Variants in MLLT6 observed in about 807,000 individuals in gnomAD.
MLLT6 encodes MLLT6, PHD finger containing.
Under a neutral mutation model 103.0 loss-of-function variants are expected in MLLT6, and 22 were observed. That is an observed-to-expected ratio of 0.21 (90% CI 0.15 to 0.31). The LOEUF is 0.31. MLLT6 is among the 10% of genes least tolerant of loss of function. The pLI, the probability that MLLT6 is intolerant of heterozygous loss-of-function variation, is 1.00. For missense variants in MLLT6, 1,199 were observed against 1,441.7 expected (o/e 0.83, Z 2.73); for synonymous variants, 606 against 623.5 (o/e 0.97, Z 0.42).
At chr17:38,722,265 G>C (rs1051583927) in intron 17 of MLLT6, 38 bp downstream of exon 17, 45 of 1,339,376 alleles carry the variant, frequency 3.4e-5, no homozygotes, top group Non-Finnish European at 3.9e-5. Context: ...GGAACAGGGT[G>C]GGGGGCTGGC....
intron 1 of MLLT6, 182 bp from the exon 2 acceptor site, chr17:38,706,768 T>C (rs1904942995): frequency 2.1e-6 from 1 of 475,470 alleles, no homozygotes; most frequent in African/African-American, 2.0e-5. Context: ...AATTGTGTGG[T>C]TGAAGGCTGG....
intron 17 of MLLT6, among the ~76,000 whole-genome samples, 176 bp from the exon 18 acceptor site, chr17:38,722,502 C>T (rs933794305): frequency 3.3e-5 from 5 of 152,170 alleles, no homozygotes; most frequent in African/African-American, 1.2e-4. Flanking sequence ...CTAAATCAGA[C>T]CTGTATCCCT....
chr17:38,725,502 G>T, intron 19 of MLLT6, 55 bp from the exon 20 acceptor site: 2 of 1,526,638 alleles, frequency 1.3e-6, no homozygotes, highest in Non-Finnish European at 1.8e-6. Context: ...GTTCTTATCT[G>T]GGGGTTAGGA....
intron 16 of MLLT6, 50 bp downstream of exon 16, chr17:38,720,797 T>A: frequency 6.6e-7 from 1 of 1,521,438 alleles, no homozygotes; most frequent in Non-Finnish European, 9.1e-7. Flanking sequence ...CTCAAGGCTC[T>A]CCTGGTCCCA....
At chr17:38,711,805 G>T (rs556648614) in intron 6 of MLLT6, 42 bp from the exon 7 acceptor site, 1 of 1,472,560 alleles carries the variant, frequency 6.8e-7, no homozygotes, top group Non-Finnish European at 9.0e-7. Flanking sequence ...CCCTAAGCCC[G>T]TGAGAAGAGG....
chr17:38,712,349 G>A (rs971703572), intron 7 of MLLT6, among the ~76,000 whole-genome samples: 1 of 152,178 alleles, frequency 6.6e-6, no homozygotes, highest in African/African-American at 2.4e-5. Context: ...ATTCCCTCGC[G>A]CCACATAGCA....
rs762731439 is a variant in MLLT6 at position 38,720,789 on chromosome 17, C to T, written c.2442+42C>T. The T allele has an allele frequency of 6.7e-5, 104 of 1,552,186 alleles. No individual in the cohort carries two copies. In the Admixed American group the frequency reaches 1.7e-3, roughly 26 times the overall value. ...GTGGGGCAGGAAGGAGGGGGAGACT[C>T]AAGGCTCTCCTGGTCCCATCTCTTC... On this transcript the variant is annotated intron_variant, in intron 16 of 19. Transcript: ENST00000621332.
chr17:38,729,288 A>G lies in MLLT6; in HGVS notation c.*3690A>G, dbSNP rs900603213. 3.4e-5 allele frequency: 8 copies of G among 233,062 alleles called. No individual in the cohort carries two copies. Among genetic ancestry groups the G allele is most frequent in the Non-Finnish European group, 5.9e-5 (7 of 118,042 alleles). The allele number at this position is 233,062 out of a possible 1,614,324, so 14.4% of individuals were successfully genotyped here. On this transcript the variant is annotated 3_prime_UTR_variant, in exon 20 of 20. Transcript: ENST00000621332. The stretch of plus-strand genomic sequence containing the variant: ...TTCCTGGGGAGAGGTGCCTAGAGGG[A>G]TTGAGGTAACTTCAACTGGGAATTC...
chr17:38,717,914 G>A lies in MLLT6; in HGVS notation c.1903G>A (p.Val635Ile), dbSNP rs765001172. 6.2e-6 allele frequency: 10 copies of A among 1,613,722 alleles called. No homozygotes were observed. The highest frequency in any genetic ancestry group is 5.0e-5 in the Admixed American group (3 of 59,986). ...CATCTTTGGAACCCCCATGGGTGCC[G>A]TTAATCCCCTCCTCTCCCAAGCTGA... ...THIFGTPMGA[V>I]NPLLSQAESS... Residue 635 changes from valine to isoleucine, a missense_variant, in exon 12 of 20, where the codon GTT (valine) becomes ATT (isoleucine). Val to Ile is a conservative substitution (Grantham distance 29). Around this residue, in one of 7 missense-constraint regions of MLLT6, gnomAD observed 1,034 missense variants for 1,091.5 expected, o/e 0.95. Coordinates refer to ENST00000621332, the MANE Select transcript of MLLT6 (RefSeq NM_005937.4).
Position 38,724,736 on chromosome 17 carries a change from C to G in MLLT6, c.3000C>G (p.Ser1000Arg). Reference protein sequence around the residue: ...QLPMASLLAGSSTPLLSAGTP... With the variant: ...QLPMASLLAGRSTPLLSAGTP... Reference sequence around the variant, plus strand: ...CCATGGCCAGCCTGCTGGCAGGAAGCTCCACCCCGCTGCTGTCTGCGGGTA... The same window carrying G: ...CCATGGCCAGCCTGCTGGCAGGAAGGTCCACCCCGCTGCTGTCTGCGGGTA... The change falls in exon 19 of 20, where the codon AGC (serine) becomes AGG (arginine). Residue 1000 changes from serine (S) to arginine (R), a missense_variant. Physicochemically the swap from Ser to Arg is moderately radical, Grantham distance 110. Transcript: ENST00000621332. The surrounding 1 kb of genome is among the most constrained non-coding windows in gnomAD (Gnocchi z 5.4). The G allele has an allele frequency of 6.2e-7, 1 of 1,611,206 alleles. No homozygotes were observed. Among genetic ancestry groups the G allele is most frequent in the Non-Finnish European group, 8.5e-7 (1 of 1,179,112 alleles).
At chr17:38,713,473 A>C in intron 8 of MLLT6, 1 of 189,800 alleles carries the variant, frequency 5.3e-6, no homozygotes, top group Non-Finnish European at 1.1e-5. Context: ...GAGATGGAGA[A>C]ACTGCTCCCT....
intron 6 of MLLT6, 69 bp from the exon 7 acceptor site, chr17:38,711,778 A>G (rs1597991779): frequency 1.4e-6 from 2 of 1,450,530 alleles, no homozygotes; most frequent in South Asian, 1.5e-5. Flanking sequence ...AGGATCCTCT[A>G]ACCTTCTGGA....
chr17:38,720,770 C>T (rs201041162), intron 16 of MLLT6, 23 bp downstream of exon 16: 22 of 1,606,314 alleles, frequency 1.4e-5, no homozygotes, highest in Non-Finnish European at 1.9e-5. Context: ...AGGAGTGGGG[C>T]AGGAAGGAGG....
intron 18 of MLLT6, 116 bp downstream of exon 18, chr17:38,722,884 T>G: frequency 5.2e-5 from 40 of 771,556 alleles, no homozygotes; most frequent in Non-Finnish European, 7.3e-5. Flanking sequence ...GGGGAAGCTC[T>G]AGGCTGGGCC....
chr17:38,723,774 C>T (rs376722227), intron 18 of MLLT6, among the ~76,000 whole-genome samples: 25 of 148,116 alleles, frequency 1.7e-4, no homozygotes, highest in East Asian at 6.0e-4. Context: ...CAGAGTTTCA[C>T]TCTTGTTGCC....
At position 38,720,428 on chromosome 17, in the gene MLLT6, G is replaced by C. The variant is rs776653319; in HGVS notation, c.2212G>C (p.Glu738Gln). Residue 738 changes from glutamate to glutamine, a missense_variant, in exon 15 of 20, where the codon GAG (glutamate) becomes CAG (glutamine). Around this residue, in one of 7 missense-constraint regions of MLLT6, gnomAD observed 1,034 missense variants for 1,091.5 expected, o/e 0.95. Coordinates refer to ENST00000621332, the MANE Select transcript of MLLT6 (RefSeq NM_005937.4). Reference protein sequence around the residue: ...ALQKENQRLQEQILSLTAKKE... With the variant: ...ALQKENQRLQQQILSLTAKKE... ...GCAGAAGGAGAACCAGCGGCTGCAA[G>C]AGCAGATCCTGAGCCTGACGGCCAA... is the stretch of plus-strand genomic sequence containing the variant. 3 of 1,612,432 alleles carry C rather than the reference G, an allele frequency of 1.9e-6. No individual in the cohort carries two copies. In the Admixed American group the frequency reaches 5.0e-5, roughly 27 times the overall value.
Position 38,726,619 on chromosome 17 carries a change from A to T in MLLT6, c.*1021A>T. 4.3e-6 allele frequency: 1 copy of T among 233,738 alleles called. No homozygotes were observed. Among genetic ancestry groups the T allele is most frequent in the East Asian group, 6.0e-5 (1 of 16,596 alleles). 14.5% of individuals were successfully genotyped at this position (233,738 alleles called of 1,614,324 possible). A position where few individuals can be genotyped will look rare whatever the true frequency, so the allele number is the denominator to read the frequency against. Reference sequence around the variant, plus strand: ...AGTCGCTGGGGGCACAGGGCTTTGAATCAGGGTAGTATCCTGCCTTCCCTC... The same window carrying T: ...AGTCGCTGGGGGCACAGGGCTTTGATTCAGGGTAGTATCCTGCCTTCCCTC... On this transcript the variant is annotated 3_prime_UTR_variant, in exon 20 of 20. Coordinates refer to ENST00000621332, the MANE Select transcript of MLLT6 (RefSeq NM_005937.4).
At chr17:38,713,087 C>T in intron 8 of MLLT6, 2 of 748,858 alleles carry the variant, frequency 2.7e-6, no homozygotes, top group Non-Finnish European at 5.0e-6. Flanking sequence ...GGGGACGGCA[C>T]TCAGGCCTGC....
In MLLT6 at chr17:38,720,650, C is replaced by T; in HGVS notation, c.2354-9C>T. Reference sequence around the variant, plus strand: ...GCCCTGACTGCAGCCTGTGACATCCCTCCCACAGCCGGCAGCAGCGACTCC... The same window carrying T: ...GCCCTGACTGCAGCCTGTGACATCCTTCCCACAGCCGGCAGCAGCGACTCC... On this transcript the variant is annotated splice_polypyrimidine_tract_variant and intron_variant, in intron 15 of 19. Coordinates refer to ENST00000621332, the MANE Select transcript of MLLT6 (RefSeq NM_005937.4). 6.2e-7 allele frequency: 1 copy of T among 1,613,658 alleles called. No individual in the cohort carries two copies. Among genetic ancestry groups the T allele is most frequent in the Non-Finnish European group, 8.5e-7 (1 of 1,180,018 alleles).
Sources: gnomAD v4.1 joint callset for allele counts (sites outside exome capture counted in the v4.1 genomes callset) on GRCh38, gnomAD v4.1.1 for gene constraint, gnomAD v4.1.1 regional missense constraint, Gnocchi (gnomAD v3.1) non-coding constraint, MANE v1.5 for transcripts, NCBI Gene and HGNC (gene_info 2026-07-23, HGNC 2026-07-21) for gene names.